The following TBC1D19 variants were observed in gnomAD, a reference collection of about 807,000 sequenced individuals.
The protein encoded by TBC1D19 is TBC1 domain family member 19, also known as TBC1 domain family, member 19.
A neutral mutation model predicts 89.0 loss-of-function variants in TBC1D19; 60 were observed. The observed-to-expected ratio is 0.67, with a 90% CI of 0.55 to 0.84. The LOEUF (loss-of-function observed/expected upper bound fraction) is 0.84. Among genes scored for constraint, TBC1D19 ranks in the 40% least tolerant of loss-of-function variants. The pLI is 0.00. For synonymous variants in TBC1D19, 189 were observed against 199.7 expected, an observed-to-expected ratio of 0.95 and a Z score of 0.45; for missense variants, 500 against 610.8, an observed-to-expected ratio of 0.82 and a Z score of 1.91.
the TBC1D19 span, among the ~76,000 whole-genome samples, chr4:26,786,584 C>T: frequency 1.3e-5 from 2 of 152,040 alleles, no homozygotes; most frequent in East Asian, 1.9e-4. Context: ...GGGCCAACAT[C>T]GGGGGGTGGT....
At chr4:26,686,368 A>G (rs747915563) in intron 12 of TBC1D19, among the ~76,000 whole-genome samples, 1 of 152,024 alleles carries the variant, frequency 6.6e-6, no homozygotes, top group Non-Finnish European at 1.5e-5. Context: ...GTGAGTACAG[A>G]ACATCATTGA....
intron 18 of TBC1D19, among the ~76,000 whole-genome samples, chr4:26,746,791 AT>A (rs779201037): frequency 2.0e-5 from 3 of 152,166 alleles, no homozygotes; most frequent in Non-Finnish European, 1.5e-5. Context: ...AAATAGAACA[AT>A]TATAACAATA....
At chr4:26,765,094 G>A in the TBC1D19 span, among the ~76,000 whole-genome samples, 1 of 152,130 alleles carries the variant, frequency 6.6e-6, no homozygotes, top group Admixed American at 6.6e-5. Flanking sequence ...AAACTGAGTT[G>A]CAAGCTCACT....
At chr4:26,670,990 T>C (rs550377379) in intron 9 of TBC1D19, among the ~76,000 whole-genome samples, 1 of 151,536 alleles carries the variant, frequency 6.6e-6, no homozygotes, top group East Asian at 1.9e-4. Context: ...TTATTATCAA[T>C]GGTGGTGCTG....
intron 1 of TBC1D19, among the ~76,000 whole-genome samples, chr4:26,601,141 A>G (rs1021053514): frequency 6.6e-6 from 1 of 151,808 alleles, no homozygotes; most frequent in Non-Finnish European, 1.5e-5. Flanking sequence ...CTATATATAT[A>G]TATACATATA....
chr4:26,650,380 T>C (rs1560445300), intron 7 of TBC1D19, among the ~76,000 whole-genome samples: 1 of 152,172 alleles, frequency 6.6e-6, no homozygotes, highest in Non-Finnish European at 1.5e-5. Flanking sequence ...ACCTGTTGTT[T>C]CCTGACTTTT....
the TBC1D19 span, among the ~76,000 whole-genome samples, chr4:26,779,711 G>T: frequency 1.3e-5 from 2 of 152,184 alleles, no homozygotes. Flanking sequence ...TAAGAGATAT[G>T]GCATGATGGA....
At chr4:26,776,159 A>G in the TBC1D19 span, among the ~76,000 whole-genome samples, 1 of 152,272 alleles carries the variant, frequency 6.6e-6, no homozygotes, top group Non-Finnish European at 1.5e-5. Context: ...TAAGGCCACA[A>G]TCTGATCGTT....
intron 19 of TBC1D19, among the ~76,000 whole-genome samples, chr4:26,750,058 C>T (rs1247662728): frequency 2.0e-5 from 3 of 152,160 alleles, no homozygotes; most frequent in Non-Finnish European, 4.4e-5. Context: ...TGGGACACTT[C>T]AGTATTGGGC....
At chr4:26,689,933 G>A (rs896287952) in intron 13 of TBC1D19, among the ~76,000 whole-genome samples, 26 of 152,280 alleles carry the variant, frequency 1.7e-4, no homozygotes, top group Admixed American at 7.8e-4. Context: ...TAGTGAGGAC[G>A]GCATGCCCAA....
intron 11 of TBC1D19, among the ~76,000 whole-genome samples, chr4:26,678,529 T>C (rs1366837073): frequency 6.9e-6 from 1 of 144,696 alleles, no homozygotes; most frequent in Non-Finnish European, 1.5e-5. Flanking sequence ...GCGAAACTGC[T>C]TTTTTTTTTT....
intron 13 of TBC1D19, among the ~76,000 whole-genome samples, chr4:26,697,363 A>G (rs1282022264): frequency 6.6e-6 from 1 of 152,214 alleles, no homozygotes; most frequent in Non-Finnish European, 1.5e-5. Context: ...AATTGAGGCA[A>G]TAAGTAATGG....
intron 16 of TBC1D19, 113 bp from the exon 17 acceptor site, chr4:26,739,751 T>A (rs1441540317): frequency 1.8e-6 from 1 of 542,782 alleles, no homozygotes; most frequent in African/African-American, 2.0e-5. Flanking sequence ...TTTAAACTTG[T>A]CTGGTGGTGT....
the TBC1D19 span, among the ~76,000 whole-genome samples, chr4:26,851,334 T>TATC: frequency 6.6e-6 from 1 of 152,018 alleles, no homozygotes; most frequent in African/African-American, 2.4e-5. Flanking sequence ...TCTATCTATC[T>TATC]ATCTATCTAT....
chr4:26,621,353 C>CT (rs1742035464), intron 4 of TBC1D19, among the ~76,000 whole-genome samples: 1 of 152,192 alleles, frequency 6.6e-6, no homozygotes, highest in Non-Finnish European at 1.5e-5. Context: ...CCTCACAGTG[C>CT]TGGTTGAGTA....
chr4:26,626,451 A>G (rs1324513801), intron 4 of TBC1D19, among the ~76,000 whole-genome samples: 2 of 152,160 alleles, frequency 1.3e-5, no homozygotes, highest in African/African-American at 2.4e-5. Flanking sequence ...AGTGCTATAC[A>G]TGTACTCACT....
chr4:26,683,643 C>G, intron 11 of TBC1D19, 32 bp from the exon 12 acceptor site: 1 of 1,556,438 alleles, frequency 6.4e-7, no homozygotes, highest in Non-Finnish European at 8.8e-7. Flanking sequence ...TGTGATTGAC[C>G]TTTAATTTTT....
intron 1 of TBC1D19, among the ~76,000 whole-genome samples, chr4:26,587,990 C>T (rs376130663): frequency 2.0e-5 from 3 of 148,694 alleles, no homozygotes; most frequent in Admixed American, 2.0e-4. Flanking sequence ...GTAGTGATAG[C>T]CCCTCCTTCC....
At chr4:26,597,192 G>C (rs1265707900) in intron 1 of TBC1D19, among the ~76,000 whole-genome samples, 1 of 152,034 alleles carries the variant, frequency 6.6e-6, no homozygotes, top group Non-Finnish European at 1.5e-5. Context: ...TTATGTATTA[G>C]TCTATTTCTC....
Sources: allele counts gnomAD v4.1 joint callset (sites outside exome capture counted in the v4.1 genomes callset), GRCh38; gene constraint gnomAD v4.1.1; transcripts MANE v1.5; gene names NCBI Gene and HGNC (gene_info 2026-07-23, HGNC 2026-07-21).